CLSTN2: variants seen among roughly 807,000 people sequenced by gnomAD.
The protein encoded by CLSTN2 is calsyntenin 2.
Under a neutral mutation model 101.2 loss-of-function variants are expected in CLSTN2, and 48 were observed. That is an observed-to-expected ratio of 0.47 (90% CI 0.38 to 0.60). The LOEUF (loss-of-function observed/expected upper bound fraction) is 0.60, where lower values mean the gene tolerates loss of function less well. CLSTN2 is among the 20% of genes least tolerant of loss of function. CLSTN2 has a pLI of 0.00. For missense variants in CLSTN2, 1,160 were observed against 1,238.2 expected (o/e 0.94, Z 0.95); for synonymous variants, 481 against 463.6 (o/e 1.04, Z -0.48).
In CLSTN2 at chr3:140,338,768, G is replaced by A. The variant is rs372157287; in HGVS notation, c.233-64861G>A. On this transcript the variant is annotated intron_variant, in intron 2 of 16. Transcript: ENST00000458420. Reference sequence around the variant, plus strand: ...GAACACACATCTTGGAGACCAGAAGGGGAAGTGTTGGTGGTCCTTCTTCCA... The same window carrying A: ...GAACACACATCTTGGAGACCAGAAGAGGAAGTGTTGGTGGTCCTTCTTCCA... Among the ~76,000 whole-genome samples, 8 of 152,334 alleles carry A rather than the reference G, an allele frequency of 5.3e-5. No homozygotes were observed. The East Asian group carries it at 1.2e-3, about 22-fold the overall frequency.
At chr3:140,052,890 G>A (rs2008024459) in intron 1 of CLSTN2, among the ~76,000 whole-genome samples, 1 of 152,208 alleles carries the variant, frequency 6.6e-6, no homozygotes, top group South Asian at 2.1e-4. Context: ...CATGTATATA[G>A]TGAGGATTTA....
chr3:140,055,389 G>A (rs1426057), intron 1 of CLSTN2, among the ~76,000 whole-genome samples: 8,863 of 152,250 alleles, frequency 0.058, 821 homozygotes, highest in African/African-American at 0.19. Flanking sequence ...TTTGGAGGTA[G>A]AAAAGAACAT....
At chr3:140,496,706 G>A (rs1363216125) in intron 8 of CLSTN2, among the ~76,000 whole-genome samples, 2 of 152,118 alleles carry the variant, frequency 1.3e-5, no homozygotes, top group Non-Finnish European at 2.9e-5. Flanking sequence ...CGCAGGGTGG[G>A]TACTGACCTG....
At chr3:140,050,783 T>G (rs978525639) in intron 1 of CLSTN2, among the ~76,000 whole-genome samples, 4 of 152,134 alleles carry the variant, frequency 2.6e-5, no homozygotes, top group Non-Finnish European at 5.9e-5. Context: ...AGGATGGATA[T>G]GAAGGGCAAG....
At chr3:140,388,763 G>A (rs1031342239) in intron 2 of CLSTN2, among the ~76,000 whole-genome samples, 9 of 152,154 alleles carry the variant, frequency 5.9e-5, no homozygotes, top group African/African-American at 2.2e-4. Flanking sequence ...AGTATTCAAG[G>A]GCTATTAAGT....
chr3:140,303,880 C>T (rs1163242551), intron 2 of CLSTN2, among the ~76,000 whole-genome samples: 4 of 151,576 alleles, frequency 2.6e-5, no homozygotes, highest in African/African-American at 4.9e-5. Flanking sequence ...ACTGGGAGGG[C>T]CTGCAGCTTT....
chr3:139,989,419 T>C (rs1214897118), intron 1 of CLSTN2, among the ~76,000 whole-genome samples: 1 of 152,224 alleles, frequency 6.6e-6, no homozygotes. Context: ...AGATTGTTTA[T>C]CTTTTCTGTT....
intron 1 of CLSTN2, among the ~76,000 whole-genome samples, chr3:139,949,440 G>C (rs546654501): frequency 2.0e-5 from 3 of 152,200 alleles, no homozygotes; most frequent in African/African-American, 7.2e-5. Context: ...CAGAGCAGGA[G>C]GATTAGGAGA....
intron 1 of CLSTN2, among the ~76,000 whole-genome samples, chr3:140,034,720 A>T (rs1350839569): frequency 1.3e-5 from 2 of 152,214 alleles, no homozygotes; most frequent in Non-Finnish European, 2.9e-5. Context: ...GTATCTGTTG[A>T]TAGCAATCAA....
intron 1 of CLSTN2, among the ~76,000 whole-genome samples, chr3:140,117,996 C>T (rs748025548): frequency 2.6e-5 from 4 of 152,190 alleles, no homozygotes; most frequent in African/African-American, 4.8e-5. Context: ...AGCCCCAGTA[C>T]CTCAGGATGT....
At chr3:140,522,415 G>T (rs532583536) in intron 8 of CLSTN2, among the ~76,000 whole-genome samples, 12 of 152,216 alleles carry the variant, frequency 7.9e-5, no homozygotes, top group Non-Finnish European at 1.8e-4. Flanking sequence ...AGAGAATCTG[G>T]TTTGCATGGT....
chr3:140,531,728 T>C (rs1276477341), intron 8 of CLSTN2, among the ~76,000 whole-genome samples: 1 of 152,194 alleles, frequency 6.6e-6, no homozygotes, highest in Non-Finnish European at 1.5e-5. Context: ...TGTCTCATGC[T>C]GTATGAGTTC....
chr3:140,432,774 C>A (rs2088647478), intron 5 of CLSTN2, among the ~76,000 whole-genome samples: 1 of 152,110 alleles, frequency 6.6e-6, no homozygotes. Context: ...TTTTCTAGGT[C>A]CAATAACATC....
In CLSTN2 at chr3:140,090,374, T is replaced by C. The variant is rs1427540936; in HGVS notation, c.110-85577T>C. On this transcript the variant is annotated intron_variant, in intron 1 of 16. Transcript: ENST00000458420. Reference sequence around the variant, plus strand: ...GTCCAAGATGGCAATAATCCTGCTCTGTCAATCTTCCCACCTTGACTTCCA... The same window carrying C: ...GTCCAAGATGGCAATAATCCTGCTCCGTCAATCTTCCCACCTTGACTTCCA... Among the ~76,000 whole-genome samples, 4 of 152,242 alleles carry C rather than the reference T, an allele frequency of 2.6e-5. No homozygotes were observed. In the South Asian group the frequency reaches 8.3e-4, roughly 32 times the overall value.
intron 2 of CLSTN2, among the ~76,000 whole-genome samples, chr3:140,305,396 C>T (rs1391130490): frequency 6.6e-6 from 1 of 152,184 alleles, no homozygotes; most frequent in Non-Finnish European, 1.5e-5. Context: ...CCTTAAGTTG[C>T]TGTGTGTATA....
intron 1 of CLSTN2, among the ~76,000 whole-genome samples, chr3:140,034,282 G>C (rs923640053): frequency 6.6e-6 from 1 of 152,190 alleles, no homozygotes; most frequent in African/African-American, 2.4e-5. Context: ...TTTCAGAGAG[G>C]GAGTCTATGG....
intron 1 of CLSTN2, among the ~76,000 whole-genome samples, chr3:140,045,972 T>C (rs1435835192): frequency 6.6e-6 from 1 of 152,208 alleles, no homozygotes; most frequent in East Asian, 1.9e-4. Flanking sequence ...TGCGATGTGG[T>C]GCTGAGAAGA....
At chr3:140,271,442 T>C (rs75093536) in intron 2 of CLSTN2, among the ~76,000 whole-genome samples, 5,589 of 152,284 alleles carry the variant, frequency 0.037, 217 homozygotes, top group African/African-American at 0.093. Flanking sequence ...CTGTTTGTAA[T>C]GACAGAAATT....
chr3:140,264,375 A>T (rs1268804712), intron 2 of CLSTN2, among the ~76,000 whole-genome samples: 1 of 98,518 alleles, frequency 1.0e-5, no homozygotes, highest in Non-Finnish European at 2.0e-5. Flanking sequence ...TAATGAATCA[A>T]ATATATATAT....
Sources: gnomAD v4.1 joint callset for allele counts (sites outside exome capture counted in the v4.1 genomes callset) on GRCh38, gnomAD v4.1.1 for gene constraint, MANE v1.5 for transcripts, NCBI Gene and HGNC (gene_info 2026-07-23, HGNC 2026-07-21) for gene names.